The following FRMD3 variants were observed in gnomAD, a reference collection of about 807,000 sequenced individuals.
FRMD3 encodes the protein FERM domain-containing protein 3.
In FRMD3, 33 loss-of-function variants were observed where a neutral mutation model predicts 70.2. The ratio of observed to expected loss-of-function variants is 0.47; its 90% CI spans 0.36 to 0.63. FRMD3 has a LOEUF of 0.63. Among genes scored for constraint, FRMD3 ranks in the 20% least tolerant of loss-of-function variants. The pLI, the probability that FRMD3 is intolerant of heterozygous loss-of-function variation, is 0.00. For synonymous variants in FRMD3, 279 were observed against 255.9 expected (o/e 1.09, Z -0.86); for missense variants, 632 against 711.4 (o/e 0.89, Z 1.27).
In FRMD3 at chr9:83,313,214, G is replaced by A. The variant is rs145479064; in HGVS notation, c.684+446C>T. On this transcript the variant is annotated intron_variant, in intron 7 of 13. Coordinates refer to ENST00000304195, the MANE Select transcript of FRMD3 (RefSeq NM_174938.6). Reference sequence around the variant, plus strand: ...TAAGTAGTCTGTGTTTCATCCTTGAGAGAAACACTGTCAAATATGAGTAAA... The same window carrying A: ...TAAGTAGTCTGTGTTTCATCCTTGAAAGAAACACTGTCAAATATGAGTAAA... 2.2e-3 allele frequency among the ~76,000 whole-genome samples: 342 copies of A among 152,328 alleles called. 3 individuals are homozygous for A. The highest frequency in any genetic ancestry group is 7.8e-3 in the African/African-American group (325 of 41,574).
At chr9:83,528,763 T>C (rs1188443608) in intron 1 of FRMD3, among the ~76,000 whole-genome samples, 1 of 152,096 alleles carries the variant, frequency 6.6e-6, no homozygotes, top group Non-Finnish European at 1.5e-5. Context: ...CCTGGGCTCA[T>C]GCAATCTGCT....
the FRMD3 span, among the ~76,000 whole-genome samples, chr9:83,560,701 G>A: frequency 6.6e-6 from 1 of 152,222 alleles, no homozygotes; most frequent in African/African-American, 2.4e-5. Context: ...GTTAGGTGTT[G>A]ACATGTGACT....
chr9:83,422,378 C>A (rs1826671964), intron 1 of FRMD3, among the ~76,000 whole-genome samples: 1 of 152,130 alleles, frequency 6.6e-6, no homozygotes, highest in Non-Finnish European at 1.5e-5. Flanking sequence ...CACTCTAGCC[C>A]CTTCCCACTC....
In FRMD3 at chr9:83,349,741, G is replaced by A; in HGVS notation, c.312C>T (p.Thr104=). ...GGTAGAATTTCACTCTAAAGCACAT[G>A]GTGTATGGTGGATGAGCTGAAACAT... ...FKQMKTHPPY[T]MCFRVKFYPH... The change falls in exon 4 of 14, where the codon ACC becomes ACT. Residue 104 remains threonine (T), a synonymous_variant. Transcript: ENST00000304195. The A allele has an allele frequency of 6.2e-7, 1 of 1,611,072 alleles. No individual in the cohort carries two copies.
chr9:83,489,297 A>T (rs1828761318), intron 1 of FRMD3, among the ~76,000 whole-genome samples: 1 of 152,220 alleles, frequency 6.6e-6, no homozygotes, highest in African/African-American at 2.4e-5. Context: ...AGCAAAAGAA[A>T]CTATCAACAG....
rs1329317733 is a variant in FRMD3, at chr9:83,277,603, C to T, written c.1195+13000G>A. Reference sequence around the variant, plus strand: ...CTCAAACTCCTGAGCTCAAGTGATACTCCTGCCTTGGCCTCCCAAAGTGCT... The same window carrying T: ...CTCAAACTCCTGAGCTCAAGTGATATTCCTGCCTTGGCCTCCCAAAGTGCT... On this transcript the variant is annotated intron_variant, in intron 13 of 13. Coordinates refer to ENST00000304195, the MANE Select transcript of FRMD3 (RefSeq NM_174938.6). Among the ~76,000 whole-genome samples the T allele has an allele frequency of 2.0e-5, 3 of 152,196 alleles. No individual in the cohort carries two copies. The East Asian group carries it at 5.8e-4, about 29-fold the overall frequency.
At chr9:83,378,261 G>GTT (rs141992984) in intron 2 of FRMD3, among the ~76,000 whole-genome samples, 29,624 of 128,960 alleles carry the variant, frequency 0.23, 4,136 homozygotes, top group Non-Finnish European at 0.25. Flanking sequence ...CTTCTTTTTT[G>GTT]TTTTTTTTGT....
intron 10 of FRMD3, among the ~76,000 whole-genome samples, chr9:83,301,282 G>T (rs1439147600): frequency 6.6e-6 from 1 of 152,058 alleles, no homozygotes; most frequent in Admixed American, 6.5e-5. Context: ...CCTGCTCTGG[G>T]TCCATCTGCA....
At chr9:83,418,217 G>A (rs138654301) in intron 1 of FRMD3, among the ~76,000 whole-genome samples, 1,815 of 151,966 alleles carry the variant, frequency 0.012, 49 homozygotes, top group African/African-American at 0.042. Context: ...CATCAACCTC[G>A]GCAAAGAATT....
intron 10 of FRMD3, among the ~76,000 whole-genome samples, chr9:83,301,918 T>C (rs898564481): frequency 1.3e-5 from 2 of 152,248 alleles, no homozygotes; most frequent in East Asian, 3.8e-4. Context: ...TGGAGGAGTA[T>C]CTGCAGGTGA....
In FRMD3 at chr9:83,416,759, C is replaced by G. The variant is rs948970267; in HGVS notation, c.148-27051G>C. Among the ~76,000 whole-genome samples, 586 of 111,618 alleles carry G rather than the reference C, an allele frequency of 5.3e-3. 2 individuals are homozygous for G. Among genetic ancestry groups the G allele is most frequent in the African/African-American group, 0.022 (559 of 25,518 alleles). 73.2% of individuals were successfully genotyped at this position (111,618 alleles called of 152,430 possible). Reference sequence around the variant, plus strand: ...CATTTCTCTCTGTCTCTCTCTCTCTCTCTCTCTCTCTCTCTCTCTCTCTCT... The same window carrying G: ...CATTTCTCTCTGTCTCTCTCTCTCTGTCTCTCTCTCTCTCTCTCTCTCTCT... On this transcript the variant is annotated intron_variant, in intron 1 of 13. Coordinates refer to ENST00000304195, the MANE Select transcript of FRMD3 (RefSeq NM_174938.6).
At chr9:83,455,411 G>C (rs920814312) in intron 1 of FRMD3, among the ~76,000 whole-genome samples, 3 of 152,130 alleles carry the variant, frequency 2.0e-5, no homozygotes, top group Admixed American at 6.5e-5. Flanking sequence ...GGTCTTTCCC[G>C]TGCCATTCTC....
At chr9:83,285,540 C>G (rs1834171857) in intron 13 of FRMD3, among the ~76,000 whole-genome samples, 1 of 152,152 alleles carries the variant, frequency 6.6e-6, no homozygotes, top group South Asian at 2.1e-4. Flanking sequence ...GGCTTTTCTA[C>G]CATGTTTATG....
At chr9:83,253,746 C>G (rs1832540310) in intron 13 of FRMD3, among the ~76,000 whole-genome samples, 1 of 152,094 alleles carries the variant, frequency 6.6e-6, no homozygotes, top group African/African-American at 2.4e-5. Context: ...ACCATTTGAC[C>G]CAGCCATCCC....
intron 1 of FRMD3, among the ~76,000 whole-genome samples, chr9:83,398,666 AT>A (rs1825870050): frequency 6.6e-6 from 1 of 152,182 alleles, no homozygotes; most frequent in African/African-American, 2.4e-5. Context: ...TAATAATAAA[AT>A]TTTTAAAAGA....
chr9:83,313,897 C>T (rs1835461175), intron 6 of FRMD3, 150 bp from the exon 7 acceptor site: 1 of 617,484 alleles, frequency 1.6e-6, no homozygotes, highest in Non-Finnish European at 2.8e-6. Context: ...CATTATTTCT[C>T]ACCACAAGGA....
intron 10 of FRMD3, among the ~76,000 whole-genome samples, chr9:83,305,533 A>T (rs1036412598): frequency 8.5e-5 from 13 of 152,188 alleles, no homozygotes; most frequent in African/African-American, 2.9e-4. Context: ...GCTCACACTC[A>T]TTACACTATG....
the FRMD3 span, among the ~76,000 whole-genome samples, chr9:83,571,723 C>T: frequency 6.6e-6 from 1 of 152,222 alleles, no homozygotes; most frequent in African/African-American, 2.4e-5. Context: ...TCCTGTCTTG[C>T]TCATCTGTAA....
At chr9:83,410,763 T>A (rs977301922) in intron 1 of FRMD3, among the ~76,000 whole-genome samples, 1 of 152,246 alleles carries the variant, frequency 6.6e-6, no homozygotes, top group African/African-American at 2.4e-5. Flanking sequence ...TACATTCTCA[T>A]GAAACAGTGT....
Sources: allele counts gnomAD v4.1 joint callset (sites outside exome capture counted in the v4.1 genomes callset), GRCh38; gene constraint gnomAD v4.1.1; transcripts MANE v1.5; gene names NCBI Gene and HGNC (gene_info 2026-07-23, HGNC 2026-07-21).